Variants in DCLK1 observed in about 807,000 individuals in gnomAD.
DCLK1 encodes the protein serine/threonine-protein kinase DCLK1.
Under a neutral mutation model 86.2 loss-of-function variants are expected in DCLK1, and 16 were observed. The observed-to-expected ratio is 0.19, with a 90% CI of 0.13 to 0.28. DCLK1 has a LOEUF of 0.28. Among genes scored for constraint, DCLK1 ranks in the 10% least tolerant of loss-of-function variants. The probability of loss-of-function intolerance (pLI) is 1.00; values close to 1 mark genes in which losing one functional copy is unlikely to be tolerated. For synonymous variants in DCLK1, 369 were observed against 370.5 expected (o/e 1.00, Z 0.05); for missense variants, 590 against 940.2 (o/e 0.63, Z 4.87).
rs1394892779 is a variant in DCLK1 at position 35,938,080 on chromosome 13, AAAAG to A, written c.823+9274_823+9277del. Among the ~76,000 whole-genome samples, 11 of 152,320 alleles carry A rather than the reference AAAAG, an allele frequency of 7.2e-5. No individual in the cohort carries two copies. The East Asian group carries it at 7.7e-4, about 11-fold the overall frequency. On this transcript the variant is annotated intron_variant, in intron 4 of 16. Transcript: ENST00000360631. ...ACAAGGGACTATCATTGATTTTTAG[AAAAG>A]AAAGGAGACTTCATTTTTTGGAAAG...
At chr13:35,850,620 T>C in intron 6 of DCLK1, 1 of 1,332,690 alleles carries the variant, frequency 7.5e-7, no homozygotes, top group Non-Finnish European at 9.7e-7. Flanking sequence ...CATTTCAAGG[T>C]ATGCAAAACT....
At chr13:36,083,027 A>C (rs1226100821) in intron 3 of DCLK1, among the ~76,000 whole-genome samples, 1 of 152,180 alleles carries the variant, frequency 6.6e-6, no homozygotes, top group Non-Finnish European at 1.5e-5. Context: ...TAAGAATCTG[A>C]AATCTCATTT....
intron 3 of DCLK1, among the ~76,000 whole-genome samples, chr13:36,056,926 TAC>T (rs1555359550): frequency 2.7e-4 from 39 of 145,480 alleles, no homozygotes; most frequent in Non-Finnish European, 4.7e-4. Context: ...TATATATATA[TAC>T]ACACACACAC....
chr13:35,918,727 T>C (rs940997212), intron 4 of DCLK1, among the ~76,000 whole-genome samples: 1 of 151,984 alleles, frequency 6.6e-6, no homozygotes, highest in Non-Finnish European at 1.5e-5. Context: ...TGGGCACTAA[T>C]CATGACTGGC....
chr13:36,055,667 T>C (rs1883277061), intron 3 of DCLK1, among the ~76,000 whole-genome samples: 1 of 152,208 alleles, frequency 6.6e-6, no homozygotes, highest in Admixed American at 6.5e-5. Flanking sequence ...TAAATCCATG[T>C]CACATTTTAT....
intron 3 of DCLK1, among the ~76,000 whole-genome samples, chr13:36,093,842 G>C (rs1465908116): frequency 1.3e-5 from 2 of 152,074 alleles, no homozygotes; most frequent in African/African-American, 4.8e-5. Context: ...GACAAAGTTT[G>C]TTCTTCCCAA....
intron 3 of DCLK1, among the ~76,000 whole-genome samples, chr13:36,053,147 T>C (rs561916074): frequency 2.8e-4 from 43 of 152,282 alleles, no homozygotes; most frequent in Non-Finnish European, 2.9e-5. Flanking sequence ...GAATGCTATA[T>C]TTAAGGCTGC....
chr13:35,789,516 T>C (rs978596924), intron 16 of DCLK1, among the ~76,000 whole-genome samples: 6 of 152,220 alleles, frequency 3.9e-5, no homozygotes, highest in African/African-American at 1.4e-4. Context: ...TATTGCCATC[T>C]ACAGGCAAAG....
intron 3 of DCLK1, among the ~76,000 whole-genome samples, chr13:35,978,203 C>CTTTTTTT (rs11311688): frequency 5.7e-4 from 47 of 82,752 alleles, no homozygotes; most frequent in East Asian, 1.5e-3. Context: ...CTTTTCTTTT[C>CTTTTTTT]TTTTTTTTTT....
chr13:35,993,451 C>T (rs1384846062), intron 3 of DCLK1, among the ~76,000 whole-genome samples: 3 of 152,136 alleles, frequency 2.0e-5, no homozygotes, highest in Admixed American at 2.0e-4. Flanking sequence ...CCTCCAACAG[C>T]CACCAAAATC....
At chr13:36,111,237 C>A (rs1885607156) in intron 3 of DCLK1, among the ~76,000 whole-genome samples, 1 of 152,136 alleles carries the variant, frequency 6.6e-6, no homozygotes, top group Non-Finnish European at 1.5e-5. Context: ...TTGGGTTCAT[C>A]TGACCAACTC....
intron 13 of DCLK1, among the ~76,000 whole-genome samples, 168 bp from the exon 14 acceptor site, chr13:35,808,488 GAA>G (rs1316961880): frequency 6.6e-6 from 1 of 152,040 alleles, no homozygotes; most frequent in African/African-American, 2.4e-5. Flanking sequence ...GGTAAATTAA[GAA>G]AGAGTTTTTG....
At chr13:35,974,890 C>T (rs1879255320) in intron 3 of DCLK1, among the ~76,000 whole-genome samples, 3 of 152,170 alleles carry the variant, frequency 2.0e-5, no homozygotes, top group Admixed American at 1.3e-4. Flanking sequence ...GTTGTTTAAG[C>T]CACCCAGTAT....
chr13:35,876,631 G>A (rs1872606471), intron 4 of DCLK1, among the ~76,000 whole-genome samples: 1 of 152,126 alleles, frequency 6.6e-6, no homozygotes, highest in Non-Finnish European at 1.5e-5. Flanking sequence ...GAAACATTGT[G>A]AATAATATGA....
chr13:35,969,648 A>G (rs943931400), intron 3 of DCLK1, among the ~76,000 whole-genome samples: 1 of 152,210 alleles, frequency 6.6e-6, no homozygotes, highest in Non-Finnish European at 1.5e-5. Context: ...ATGTTTCCCT[A>G]TCAGGGTTCC....
chr13:35,843,356 G>A (rs765776057), intron 6 of DCLK1, among the ~76,000 whole-genome samples: 8 of 152,174 alleles, frequency 5.3e-5, no homozygotes, highest in Non-Finnish European at 1.0e-4. Flanking sequence ...GCACCTGGAT[G>A]CTTTTATGGC....
In DCLK1 at chr13:35,800,003, A is replaced by T. The variant is rs539677640; in HGVS notation, c.1944+5696T>A. Among the ~76,000 whole-genome samples, 3 of 152,374 alleles carry T rather than the reference A, an allele frequency of 2.0e-5. No individual in the cohort carries two copies. The East Asian group carries it at 5.8e-4, about 29-fold the overall frequency. On this transcript the variant is annotated intron_variant, in intron 15 of 16. Transcript: ENST00000360631. ...GGTATTTTGTAACTACATTAAACAA[A>T]GTAGCTGTGATGCTGGAGAAAGTAA...
intron 3 of DCLK1, among the ~76,000 whole-genome samples, chr13:35,982,319 G>A (rs1879684814): frequency 6.6e-6 from 1 of 151,656 alleles, no homozygotes; most frequent in South Asian, 2.1e-4. Context: ...GTTCGTGGCT[G>A]CACTGAACAG....
At chr13:35,826,971 A>C (rs563813766) in intron 10 of DCLK1, among the ~76,000 whole-genome samples, 1 of 152,200 alleles carries the variant, frequency 6.6e-6, no homozygotes, top group African/African-American at 2.4e-5. Context: ...GAAGCATGCC[A>C]TTTTTTAAAA....
Sources: gnomAD v4.1 joint callset for allele counts (sites outside exome capture counted in the v4.1 genomes callset) on GRCh38, gnomAD v4.1.1 for gene constraint, MANE v1.5 for transcripts, NCBI Gene and HGNC (gene_info 2026-07-23, HGNC 2026-07-21) for gene names.